SMURF2: variants seen among roughly 807,000 people sequenced by gnomAD.
SMURF2 encodes the protein E3 ubiquitin-protein ligase SMURF2.
SMURF2 carries 48 observed loss-of-function variants against 109.6 expected under a neutral mutation model. That is an observed-to-expected ratio of 0.44 (90% CI 0.35 to 0.56). SMURF2 has a LOEUF of 0.56. Among genes scored for constraint, SMURF2 ranks in the 20% least tolerant of loss-of-function variants. The pLI is 0.01. For synonymous variants in SMURF2, 288 were observed against 317.1 expected (o/e 0.91, Z 0.97); for missense variants, 575 against 909.0 (o/e 0.63, Z 4.72).
chr17:64,559,401 A>C (rs192206731), intron 12 of SMURF2, among the ~76,000 whole-genome samples: 147 of 152,020 alleles, frequency 9.7e-4, no homozygotes, highest in African/African-American at 2.9e-3. Flanking sequence ...TGAGACCAGC[A>C]TGGCCAACAT....
intron 6 of SMURF2, among the ~76,000 whole-genome samples, chr17:64,584,296 T>G (rs1598282217): frequency 7.6e-6 from 1 of 131,364 alleles, no homozygotes; most frequent in Admixed American, 8.3e-5. Context: ...CCAGCCAGGG[T>G]GACAAGAGCG....
chr17:64,591,165 A>G lies in SMURF2; in HGVS notation c.335-16T>C. 2 of 1,608,024 alleles carry G rather than the reference A, an allele frequency of 1.2e-6. No homozygotes were observed. Among genetic ancestry groups the G allele is most frequent in the Non-Finnish European group, 1.7e-6 (2 of 1,176,752 alleles). On this transcript the variant is annotated splice_polypyrimidine_tract_variant and intron_variant, in intron 4 of 18. Transcript: ENST00000262435. The stretch of plus-strand genomic sequence containing the variant: ...AACCTCTGATCTATTTGAAGTCAAC[A>G]AAGAAAGCAACGAAAAAATTAGCTG...
At chr17:64,589,563 A>G (rs559694358) in intron 5 of SMURF2, among the ~76,000 whole-genome samples, 66 of 151,890 alleles carry the variant, frequency 4.3e-4, no homozygotes, top group Non-Finnish European at 8.1e-4. Context: ...GTGAGTGAGC[A>G]TTACCACCCG....
chr17:64,598,857 C>T (rs2144663857), intron 2 of SMURF2, among the ~76,000 whole-genome samples: 1 of 152,096 alleles, frequency 6.6e-6, no homozygotes, highest in South Asian at 2.1e-4. Context: ...CAAATGTCTC[C>T]CTCAGTAGCT....
At chr17:64,552,205 A>G (rs1969055432) in intron 15 of SMURF2, among the ~76,000 whole-genome samples, 1 of 152,236 alleles carries the variant, frequency 6.6e-6, no homozygotes, top group Non-Finnish European at 1.5e-5. Context: ...GTAAAAGCCA[A>G]TAGCAAGCAC....
chr17:64,645,199 G>A (rs983909170), intron 1 of SMURF2, among the ~76,000 whole-genome samples: 1 of 152,126 alleles, frequency 6.6e-6, no homozygotes, highest in African/African-American at 2.4e-5. Context: ...GAAGGCTAGG[G>A]CCAAATGATA....
At chr17:64,566,186 A>G (rs1969298129) in intron 10 of SMURF2, among the ~76,000 whole-genome samples, 1 of 151,070 alleles carries the variant, frequency 6.6e-6, no homozygotes, top group African/African-American at 2.5e-5. Flanking sequence ...ATATCCTGAT[A>G]TGTAAAGATT....
chr17:64,587,863 C>T (rs1426438336), intron 5 of SMURF2, among the ~76,000 whole-genome samples: 15 of 152,022 alleles, frequency 9.9e-5, no homozygotes, highest in Non-Finnish European at 1.6e-4. Context: ...TGTATTTTCT[C>T]ATTAGCATTG....
At chr17:64,661,542 G>A (rs1200389382) in intron 1 of SMURF2, among the ~76,000 whole-genome samples, 1 of 152,090 alleles carries the variant, frequency 6.6e-6, no homozygotes, top group Non-Finnish European at 1.5e-5. Flanking sequence ...GCAGCGTCTG[G>A]CTCCTTGACC....
intron 1 of SMURF2, among the ~76,000 whole-genome samples, chr17:64,642,628 T>C (rs1471715070): frequency 6.6e-6 from 1 of 152,234 alleles, no homozygotes; most frequent in Non-Finnish European, 1.5e-5. Flanking sequence ...TTTTAAATTA[T>C]GTTTATCAGC....
chr17:64,636,100 GC>G (rs1249815536), intron 1 of SMURF2, among the ~76,000 whole-genome samples: 3 of 151,892 alleles, frequency 2.0e-5, no homozygotes, highest in African/African-American at 7.3e-5. Context: ...GTGCTTTTTG[GC>G]CACTGATATA....
chr17:64,612,921 A>G (rs191572435), intron 1 of SMURF2, among the ~76,000 whole-genome samples: 118 of 152,330 alleles, frequency 7.7e-4, no homozygotes, highest in Non-Finnish European at 3.2e-4. Flanking sequence ...AAGAAACAAG[A>G]TTAACTTAAA....
chr17:64,645,993 T>C (rs1555692948), intron 1 of SMURF2, among the ~76,000 whole-genome samples: 3 of 151,882 alleles, frequency 2.0e-5, no homozygotes, highest in Non-Finnish European at 2.9e-5. Flanking sequence ...TTGAGTTAGA[T>C]GCCAAAAAAA....
At chr17:64,563,815 C>T (rs1184441192) in intron 10 of SMURF2, among the ~76,000 whole-genome samples, 1 of 152,106 alleles carries the variant, frequency 6.6e-6, no homozygotes, top group African/African-American at 2.4e-5. Flanking sequence ...TGCTATATTG[C>T]CCAGGCTGGC....
chr17:64,629,889 G>C (rs1466211613), intron 1 of SMURF2, among the ~76,000 whole-genome samples: 4 of 152,090 alleles, frequency 2.6e-5, no homozygotes, highest in Admixed American at 1.3e-4. Context: ...CTGTCCTGGG[G>C]GGATGTTGAA....
intron 1 of SMURF2, among the ~76,000 whole-genome samples, chr17:64,614,945 C>T (rs540092469): frequency 1.3e-5 from 2 of 152,182 alleles, no homozygotes; most frequent in South Asian, 2.1e-4. Flanking sequence ...TTTGAGGCAG[C>T]GATTAGAGAA....
intron 1 of SMURF2, among the ~76,000 whole-genome samples, chr17:64,641,353 CA>C (rs1190949036): frequency 6.6e-6 from 1 of 151,422 alleles, no homozygotes; most frequent in African/African-American, 2.4e-5. Flanking sequence ...TCCAACCCCC[CA>C]AAAAAAACAA....
At position 64,571,955 on chromosome 17, in the gene SMURF2, C is replaced by A. The variant is rs1555685609; in HGVS notation, c.859G>T (p.Asp287Tyr). The change falls in exon 10 of 19, where the codon GAT (aspartate) becomes TAT (tyrosine). Residue 287 changes from aspartate (D) to tyrosine (Y), a missense_variant and splice_region_variant. Asp to Tyr is a radical substitution (Grantham distance 160). Coordinates refer to ENST00000262435, the MANE Select transcript of SMURF2 (RefSeq NM_022739.4). Reference protein sequence around the residue: ...STWHDPRVPRDLSNINCEELG... With the variant: ...STWHDPRVPRYLSNINCEELG... ...TCTTCACAATTGATGTTGCTAAGAT[C>A]CCTGCAAAAACAAATATAAAATAAA... 1 of 1,603,538 alleles carries A rather than the reference C, an allele frequency of 6.2e-7. No homozygotes were observed.
At chr17:64,550,654 C>T (rs1969030774) in intron 16 of SMURF2, among the ~76,000 whole-genome samples, 1 of 151,706 alleles carries the variant, frequency 6.6e-6, no homozygotes, top group South Asian at 2.1e-4. Flanking sequence ...GTGGCAGGTG[C>T]CTGTAGTCCC....
Sources: gnomAD v4.1 joint callset for allele counts (sites outside exome capture counted in the v4.1 genomes callset) on GRCh38, gnomAD v4.1.1 for gene constraint, MANE v1.5 for transcripts, NCBI Gene and HGNC (gene_info 2026-07-23, HGNC 2026-07-21) for gene names.